SP140: variants seen among roughly 807,000 people sequenced by gnomAD.
SP140 encodes the protein nuclear body protein SP140.
A neutral mutation model predicts 125.0 loss-of-function variants in SP140; 81 were observed. The observed-to-expected ratio is 0.65, with a 90% CI of 0.54 to 0.78. The LOEUF (loss-of-function observed/expected upper bound fraction) is 0.78. SP140 is among the 30% of genes least tolerant of loss of function. SP140 has a pLI of 0.00. For synonymous variants in SP140, 312 were observed against 354.0 expected (o/e 0.88, Z 1.33); for missense variants, 858 against 1,037.0 (o/e 0.83, Z 2.37).
chr2:230,248,976 T>G lies in SP140; in HGVS notation c.976+8T>G. On this transcript the variant is annotated splice_region_variant and intron_variant, in intron 9 of 26. Transcript: ENST00000392045. Reference sequence around the variant, plus strand: ...TACCAGGTGAAGGAGAAGGTAATTATGATTTAAGTTTTTAAATATTTGAGT... The same window carrying G: ...TACCAGGTGAAGGAGAAGGTAATTAGGATTTAAGTTTTTAAATATTTGAGT... The G allele has an allele frequency of 6.3e-7, 1 of 1,599,944 alleles. No homozygotes were observed. The highest frequency in any genetic ancestry group is 8.6e-7 in the Non-Finnish European group (1 of 1,169,382).
upstream of SP140, among the ~76,000 whole-genome samples, chr2:230,223,576 G>A (rs1209858022): frequency 6.6e-6 from 1 of 152,194 alleles, no homozygotes; most frequent in African/African-American, 2.4e-5. Flanking sequence ...AAAATGTTGG[G>A]CACCAGAGGT....
intron 15 of SP140, among the ~76,000 whole-genome samples, chr2:230,273,925 C>G (rs1005164462): frequency 2.6e-5 from 4 of 152,028 alleles, no homozygotes; most frequent in African/African-American, 9.7e-5. Flanking sequence ...TAGAGGAGAA[C>G]AACACACACT....
At chr2:230,294,486 G>A (rs963132951) in intron 21 of SP140, among the ~76,000 whole-genome samples, 168 bp downstream of exon 21, 64 of 151,228 alleles carry the variant, frequency 4.2e-4, no homozygotes, top group African/African-American at 1.5e-3. Context: ...TCGCTAATTT[G>A]AACACTAAAT....
chr2:230,293,419 C>T (rs964261374), intron 20 of SP140, among the ~76,000 whole-genome samples: 2 of 152,202 alleles, frequency 1.3e-5, no homozygotes, highest in Non-Finnish European at 2.9e-5. Context: ...TCACTGCAAC[C>T]TCCACCTCCC....
chr2:230,295,597 C>T (rs2057628445), intron 21 of SP140, among the ~76,000 whole-genome samples: 2 of 152,276 alleles, frequency 1.3e-5, no homozygotes, highest in South Asian at 2.1e-4. Context: ...AACAGAAGGT[C>T]CCTTAAGTGG....
chr2:230,295,906 A>G (rs1310308099), intron 21 of SP140, among the ~76,000 whole-genome samples: 1 of 152,224 alleles, frequency 6.6e-6, no homozygotes, highest in Non-Finnish European at 1.5e-5. Flanking sequence ...TATCAAGCAC[A>G]CACTAAATGC....
chr2:230,281,330 G>C (rs1173602951), intron 15 of SP140, among the ~76,000 whole-genome samples: 1 of 152,166 alleles, frequency 6.6e-6, no homozygotes, highest in South Asian at 2.1e-4. Context: ...ACATTTCAAG[G>C]CTGCAGACGT....
At chr2:230,235,517 G>A (rs1378274683) in intron 1 of SP140, among the ~76,000 whole-genome samples, 2 of 152,124 alleles carry the variant, frequency 1.3e-5, no homozygotes, top group African/African-American at 4.8e-5. Flanking sequence ...TGGATAAATG[G>A]TGCATGTCTG....
At position 230,294,375 on chromosome 2, in the gene SP140, A is replaced by G. The variant is rs1260638864; in HGVS notation, c.2016+57A>G. The G allele has an allele frequency of 5.9e-6, 8 of 1,351,074 alleles. No homozygotes were observed. In the Admixed American group the frequency reaches 1.2e-4, roughly 21 times the overall value. 83.7% of individuals were successfully genotyped at this position (1,351,074 alleles called of 1,614,324 possible). A position where few individuals can be genotyped will look rare whatever the true frequency, so the allele number is the denominator to read the frequency against. On this transcript the variant is annotated intron_variant, in intron 21 of 26. Coordinates refer to ENST00000392045, the MANE Select transcript of SP140 (RefSeq NM_007237.5). ...GTCACATAACTGATTTAGCATGCACAAAATCTTATTTTATGGGGTCTGAAA... is the reference window on the plus strand; with the variant it reads ...GTCACATAACTGATTTAGCATGCACGAAATCTTATTTTATGGGGTCTGAAA...
In SP140 at chr2:230,307,976, T is replaced by C. The variant is rs1180285973; in HGVS notation, c.2059-1948T>C. Among the ~76,000 whole-genome samples the C allele has an allele frequency of 2.0e-4, 18 of 91,114 alleles. 3 individuals carry two copies. The Middle Eastern group carries it at 0.032, about 162-fold the overall frequency. The allele number at this position is 91,114 out of a possible 152,430, so 59.8% of individuals were successfully genotyped here. ...GCATGTATATATATATATATATATA[T>C]ATATATATATATATACACACACACA... On this transcript the variant is annotated intron_variant, in intron 22 of 26. Coordinates refer to ENST00000392045, the MANE Select transcript of SP140 (RefSeq NM_007237.5).
chr2:230,302,177 A>G (rs1275490158), intron 22 of SP140, among the ~76,000 whole-genome samples: 2 of 151,956 alleles, frequency 1.3e-5, no homozygotes, highest in East Asian at 3.9e-4. Context: ...CAAGGTCAGG[A>G]GATCAAGACC....
chr2:230,253,097 GAGA>G (rs1438650581), intron 10 of SP140, among the ~76,000 whole-genome samples: 3 of 152,192 alleles, frequency 2.0e-5, no homozygotes, highest in East Asian at 1.9e-4. Flanking sequence ...GCCAGTTGGA[GAGA>G]AGATCAGACA....
chr2:230,306,432 G>A (rs2058768142), intron 22 of SP140, among the ~76,000 whole-genome samples: 1 of 152,248 alleles, frequency 6.6e-6, no homozygotes, highest in Admixed American at 6.5e-5. Context: ...CCAAGGACAA[G>A]CAGGAGCCCT....
At chr2:230,201,942 C>T (rs567120109), upstream of SP140, among the ~76,000 whole-genome samples, 8 of 152,274 alleles carry the variant, frequency 5.3e-5, no homozygotes, top group African/African-American at 1.9e-4. Context: ...AATTACCTCA[C>T]CCTTTTAAAC....
chr2:230,279,060 A>C (rs931227372), intron 15 of SP140, among the ~76,000 whole-genome samples: 7 of 152,122 alleles, frequency 4.6e-5, no homozygotes, highest in African/African-American at 1.7e-4. Context: ...AAATTAAGAA[A>C]ACAATCCCAT....
intron 12 of SP140, among the ~76,000 whole-genome samples, chr2:230,256,726 T>C (rs924950286): frequency 5.9e-5 from 9 of 152,222 alleles, no homozygotes; most frequent in African/African-American, 2.2e-4. Flanking sequence ...GTATCATTCC[T>C]CTGCTGGTAG....
intron 9 of SP140, among the ~76,000 whole-genome samples, chr2:230,249,276 TA>T (rs1263188228): frequency 6.6e-6 from 1 of 152,128 alleles, no homozygotes; most frequent in Non-Finnish European, 1.5e-5. Context: ...ACATTAAACC[TA>T]AATAACAGCA....
chr2:230,308,020 G>GAC (rs1211502170), intron 22 of SP140, among the ~76,000 whole-genome samples: 110 of 110,110 alleles, frequency 1.0e-3, no homozygotes, highest in East Asian at 7.8e-3. Context: ...CACACACAGA[G>GAC]ACACACACAC....
chr2:230,306,221 C>A (rs915938001), intron 22 of SP140, among the ~76,000 whole-genome samples: 17 of 152,206 alleles, frequency 1.1e-4, no homozygotes, highest in Admixed American at 9.2e-4. Context: ...TCTATCACAG[C>A]CTGGACCTCT....
Sources: gnomAD v4.1 joint callset for allele counts (sites outside exome capture counted in the v4.1 genomes callset) on GRCh38, gnomAD v4.1.1 for gene constraint, MANE v1.5 for transcripts, NCBI Gene and HGNC (gene_info 2026-07-23, HGNC 2026-07-21) for gene names.